The following MGMT variants were observed in gnomAD, a reference collection of about 807,000 sequenced individuals.
The protein encoded by MGMT is methylated-DNA--protein-cysteine methyltransferase.
MGMT carries 14 observed loss-of-function variants against 15.9 expected under a neutral mutation model. The observed-to-expected ratio is 0.88, with a 90% confidence interval of 0.58 to 1.37. The LOEUF (loss-of-function observed/expected upper bound fraction) is 1.37. MGMT is among the 40% of genes most tolerant of loss of function. MGMT has a pLI of 0.00. For synonymous variants in MGMT, 130 were observed against 118.2 expected, an observed-to-expected ratio of 1.10 and a Z score of -0.65; for missense variants, 282 against 268.1, an observed-to-expected ratio of 1.05 and a Z score of -0.36.
intron 1 of MGMT, among the ~76,000 whole-genome samples, chr10:129,531,188 G>T (rs945223): frequency 3.3e-5 from 5 of 151,986 alleles, no homozygotes; most frequent in Admixed American, 6.5e-5. Flanking sequence ...TCCTGATGGG[G>T]TCTCATCACT....
intron 1 of MGMT, among the ~76,000 whole-genome samples, chr10:129,516,297 A>G (rs1388961080): frequency 1.3e-5 from 2 of 152,222 alleles, no homozygotes; most frequent in Non-Finnish European, 2.9e-5. Flanking sequence ...GCACATTCAT[A>G]ATTGAAATCA....
At position 129,555,999 on chromosome 10, in the gene MGMT, C is replaced by T. The variant is rs971649891; in HGVS notation, c.125+19622C>T. On this transcript the variant is annotated intron_variant, in intron 2 of 4. Coordinates refer to ENST00000651593, the MANE Select transcript of MGMT (RefSeq NM_002412.5). The stretch of plus-strand genomic sequence containing the variant: ...AACGGGGCACCCTCCAGGGAGCTGT[C>T]GAGGGGCTCTTCTGCCTCTTCAGAA... 3.3e-5 allele frequency among the ~76,000 whole-genome samples: 5 copies of T among 152,240 alleles called. No homozygotes were observed. The South Asian group carries it at 6.2e-4, about 19-fold the overall frequency.
chr10:129,560,601 A>G (rs1328932985), intron 2 of MGMT, among the ~76,000 whole-genome samples: 1 of 152,176 alleles, frequency 6.6e-6, no homozygotes, highest in African/African-American at 2.4e-5. Flanking sequence ...CAGAGTGCCT[A>G]CTGTGTACAC....
intron 2 of MGMT, among the ~76,000 whole-genome samples, chr10:129,629,105 G>A (rs376530123): frequency 5.3e-5 from 8 of 152,324 alleles, no homozygotes; most frequent in Non-Finnish European, 1.0e-4. Context: ...CCTGCCAGGC[G>A]GCAATGGTCT....
intron 1 of MGMT, among the ~76,000 whole-genome samples, chr10:129,479,835 T>C (rs1845337786): frequency 6.6e-6 from 1 of 152,078 alleles, no homozygotes; most frequent in South Asian, 2.1e-4. Flanking sequence ...CCCTCCTTGC[T>C]GGGGGTCCTC....
At position 129,705,745 on chromosome 10, in the gene MGMT, C is replaced by T. The variant is rs76228607; in HGVS notation, c.126-2150C>T. On this transcript the variant is annotated intron_variant, in intron 2 of 4. Transcript: ENST00000651593. ...GTGAAATGCCAGTTGTTTGCAGCTC[C>T]GGGGCTGTGGTCCTCCTGGACACCA... Among the ~76,000 whole-genome samples, 1,377 of 152,316 alleles carry T rather than the reference C, an allele frequency of 9.0e-3. 14 individuals are homozygous for T. The highest frequency in any genetic ancestry group is 0.014 in the Non-Finnish European group (965 of 68,020).
intron 2 of MGMT, among the ~76,000 whole-genome samples, chr10:129,678,861 C>T (rs751840347): frequency 1.3e-5 from 2 of 151,962 alleles, no homozygotes; most frequent in Admixed American, 6.6e-5. Context: ...CACTTGAAGT[C>T]GGGAGTTCGA....
chr10:129,651,764 C>T (rs1847461106), intron 2 of MGMT, among the ~76,000 whole-genome samples: 7 of 152,098 alleles, frequency 4.6e-5, no homozygotes, highest in Admixed American at 4.6e-4. Flanking sequence ...ACAAAATTCA[C>T]CCATCAAAAG....
At chr10:129,649,727 G>A (rs532013483) in intron 2 of MGMT, among the ~76,000 whole-genome samples, 2 of 152,280 alleles carry the variant, frequency 1.3e-5, no homozygotes, top group South Asian at 4.1e-4. Context: ...TTAGGCTAAC[G>A]TTGCTCCAAG....
At chr10:129,631,382 G>T (rs473073) in intron 2 of MGMT, among the ~76,000 whole-genome samples, 61,780 of 152,016 alleles carry the variant, frequency 0.41, 13,746 homozygotes, top group East Asian at 0.62. Flanking sequence ...AAGAATGAAG[G>T]ACTCTTACAA....
At chr10:129,472,006 A>C (rs1393195113) in intron 1 of MGMT, among the ~76,000 whole-genome samples, 1 of 152,148 alleles carries the variant, frequency 6.6e-6, no homozygotes, top group Non-Finnish European at 1.5e-5. Context: ...TGTTACCAAA[A>C]CTTTGGCGTC....
chr10:129,710,441 C>T (rs1848219262), intron 3 of MGMT, among the ~76,000 whole-genome samples: 1 of 152,228 alleles, frequency 6.6e-6, no homozygotes, highest in African/African-American at 2.4e-5. Context: ...TCCCCTGGGC[C>T]AGGCCTGCCT....
chr10:129,587,605 C>A (rs1282351292), intron 2 of MGMT, among the ~76,000 whole-genome samples: 1 of 151,438 alleles, frequency 6.6e-6, no homozygotes, highest in Non-Finnish European at 1.5e-5. Context: ...TTCCCTGTCT[C>A]AGCCTCCCAA....
chr10:129,710,413 C>G (rs74160272), intron 3 of MGMT, among the ~76,000 whole-genome samples: 2 of 152,190 alleles, frequency 1.3e-5, no homozygotes, highest in Admixed American at 1.3e-4. Flanking sequence ...GGCCTTCTCT[C>G]GAGGGTAGGG....
intron 3 of MGMT, among the ~76,000 whole-genome samples, chr10:129,721,765 A>G (rs1488110704): frequency 1.3e-5 from 2 of 152,204 alleles, no homozygotes; most frequent in African/African-American, 2.4e-5. Context: ...ACCAGAATCT[A>G]TAGCTCATGG....
chr10:129,730,934 T>A (rs1170839426), intron 3 of MGMT, among the ~76,000 whole-genome samples: 1 of 152,224 alleles, frequency 6.6e-6, no homozygotes, highest in African/African-American at 2.4e-5. Flanking sequence ...AATTCTTTTG[T>A]TAAATAAGTT....
In MGMT at chr10:129,471,104, G is replaced by C. The variant is rs1251426442; in HGVS notation, c.-13+3808G>C. 3.9e-5 allele frequency among the ~76,000 whole-genome samples: 6 copies of C among 152,200 alleles called. No individual in the cohort carries two copies. In the South Asian group the frequency reaches 6.2e-4, roughly 16 times the overall value. On this transcript the variant is annotated intron_variant, in intron 1 of 4. Coordinates refer to ENST00000651593, the MANE Select transcript of MGMT (RefSeq NM_002412.5). ...GAATGGATAGTCCACCAGCGGCGTG[G>C]CTTGTGAAAGGAGGTACTTGTTAAA...
intron 3 of MGMT, among the ~76,000 whole-genome samples, chr10:129,713,511 G>A (rs1427982821): frequency 1.3e-5 from 2 of 152,140 alleles, no homozygotes. Context: ...TTTCCAGGTG[G>A]CCAGTAGGAT....
At chr10:129,518,357 C>G (rs967415915) in intron 1 of MGMT, among the ~76,000 whole-genome samples, 1 of 150,476 alleles carries the variant, frequency 6.6e-6, no homozygotes, top group Non-Finnish European at 1.5e-5. Flanking sequence ...CACACACACA[C>G]ACACACACAC....
Sources: gnomAD v4.1 joint callset for allele counts (sites outside exome capture counted in the v4.1 genomes callset) on GRCh38, gnomAD v4.1.1 for gene constraint, MANE v1.5 for transcripts, NCBI Gene and HGNC (gene_info 2026-07-23, HGNC 2026-07-21) for gene names.